Variants in KLF12 observed in about 807,000 individuals in gnomAD.
The protein encoded by KLF12 is KLF transcription factor 12.
In KLF12, 9 loss-of-function variants were observed where a neutral mutation model predicts 37.8. That is an observed-to-expected ratio of 0.24 (90% confidence interval 0.14 to 0.42). KLF12 has a LOEUF of 0.42. Ranked by LOEUF, KLF12 falls within the 10% of genes least tolerant of loss-of-function variation. The pLI is 1.00. For synonymous variants in KLF12, 208 were observed against 202.1 expected (o/e 1.03, Z -0.25); for missense variants, 411 against 516.0 (o/e 0.80, Z 1.97).
rs1451239695 is a variant in KLF12 at position 73,688,313 on chromosome 13, T to A, written c.*7177A>T. 6.6e-6 allele frequency: 1 copy of A among 152,534 alleles called. No individual in the cohort carries two copies. Among genetic ancestry groups the A allele is most frequent in the African/African-American group, 2.4e-5 (1 of 41,460 alleles). The allele number at this position is 152,534 out of a possible 1,614,324, so 9.4% of individuals were successfully genotyped here. On this transcript the variant is annotated 3_prime_UTR_variant, in exon 8 of 8. Coordinates refer to ENST00000377669, the MANE Select transcript of KLF12 (RefSeq NM_007249.5). The stretch of plus-strand genomic sequence containing the variant: ...ATAAACAAATTATTTATAAGACTAT[T>A]TAAAACATTCCACAACAGAGCTGTT...
intron 1 of KLF12, among the ~76,000 whole-genome samples, chr13:73,998,672 C>A (rs76140453): frequency 1.7e-3 from 260 of 152,326 alleles, no homozygotes; most frequent in African/African-American, 6.0e-3. Flanking sequence ...TTGTGCATGT[C>A]AGTCTGTGAT....
At chr13:73,886,922 G>A (rs1887249333) in intron 3 of KLF12, among the ~76,000 whole-genome samples, 2 of 151,526 alleles carry the variant, frequency 1.3e-5, no homozygotes, top group South Asian at 4.2e-4. Context: ...GACCCGGGAG[G>A]CGGAGGTTGC....
chr13:73,918,966 C>G (rs1888984417), intron 3 of KLF12, among the ~76,000 whole-genome samples: 1 of 152,132 alleles, frequency 6.6e-6, no homozygotes, highest in African/African-American at 2.4e-5. Flanking sequence ...CTCTGAAAAC[C>G]AGTCTGATTC....
chr13:73,950,942 C>A (rs1455322483), intron 2 of KLF12, among the ~76,000 whole-genome samples: 1 of 152,140 alleles, frequency 6.6e-6, no homozygotes, highest in African/African-American at 2.4e-5. Context: ...AGAGAGAAAC[C>A]AGAAAGCTGG....
At chr13:74,199,982 T>C in the KLF12 span, among the ~76,000 whole-genome samples, 1 of 152,296 alleles carries the variant, frequency 6.6e-6, no homozygotes, top group East Asian at 1.9e-4. Flanking sequence ...AGCATCCTAC[T>C]TAACTTCTGG....
At chr13:73,866,447 A>G (rs1886183240) in intron 3 of KLF12, among the ~76,000 whole-genome samples, 1 of 152,186 alleles carries the variant, frequency 6.6e-6, no homozygotes, top group African/African-American at 2.4e-5. Flanking sequence ...CAAGCAATAT[A>G]AATTCAAAAG....
intron 1 of KLF12, among the ~76,000 whole-genome samples, chr13:74,100,310 C>G (rs12855892): frequency 0.074 from 11,295 of 152,140 alleles, 483 homozygotes; most frequent in Non-Finnish European, 0.089. Flanking sequence ...GTATGAACTT[C>G]CAGTTTTAAA....
At chr13:73,983,334 C>T (rs867566056) in intron 2 of KLF12, among the ~76,000 whole-genome samples, 1 of 152,196 alleles carries the variant, frequency 6.6e-6, no homozygotes, top group Non-Finnish European at 1.5e-5. Context: ...TTGGTGCCAG[C>T]ATGATTCAAC....
chr13:73,889,581 C>G (rs1032470938), intron 3 of KLF12, among the ~76,000 whole-genome samples: 1 of 152,096 alleles, frequency 6.6e-6, no homozygotes, highest in South Asian at 2.1e-4. Flanking sequence ...TACCTGACTG[C>G]TAAGAAAACT....
At chr13:73,842,286 C>A (rs148983761) in intron 4 of KLF12, among the ~76,000 whole-genome samples, 1 of 152,114 alleles carries the variant, frequency 6.6e-6, no homozygotes, top group Non-Finnish European at 1.5e-5. Flanking sequence ...TCTCTATTTG[C>A]GATTATAATT....
chr13:73,757,083 C>T (rs1879220164), intron 6 of KLF12, among the ~76,000 whole-genome samples: 1 of 152,174 alleles, frequency 6.6e-6, no homozygotes, highest in African/African-American at 2.4e-5. Context: ...AAAGCCCTGA[C>T]TTCACCTACA....
chr13:73,733,116 C>A (rs1264796718), intron 6 of KLF12, among the ~76,000 whole-genome samples: 2 of 152,076 alleles, frequency 1.3e-5, no homozygotes, highest in African/African-American at 4.8e-5. Context: ...TTACTCCTTC[C>A]CCCCAGTCTT....
At chr13:74,255,878 G>A in the KLF12 span, among the ~76,000 whole-genome samples, 10 of 152,202 alleles carry the variant, frequency 6.6e-5, no homozygotes, top group East Asian at 1.9e-4. Context: ...GAATGAGGCC[G>A]GGCACGGTGG....
At chr13:73,834,168 G>GA (rs1408588110) in intron 4 of KLF12, among the ~76,000 whole-genome samples, 1 of 152,074 alleles carries the variant, frequency 6.6e-6, no homozygotes, top group Non-Finnish European at 1.5e-5. Context: ...CTTTATTTTA[G>GA]AAATGAGCAT....
the KLF12 span, among the ~76,000 whole-genome samples, chr13:74,254,420 G>A: frequency 2.0e-5 from 3 of 152,224 alleles, no homozygotes; most frequent in Non-Finnish European, 2.9e-5. Context: ...GTTATGGTCT[G>A]TGATGTGGCA....
rs141359627 is a variant in KLF12, at chr13:74,040,905, T to TCACCCAGA, written c.-31-45860_-31-45853dup. On this transcript the variant is annotated intron_variant, in intron 1 of 7. Coordinates refer to ENST00000377669, the MANE Select transcript of KLF12 (RefSeq NM_007249.5). ...CTTGACATCATCTTTGACCCCTCCTTCACCCAGACCTTTCCCATTCTATTA... is the reference window on the plus strand; with the variant it reads ...CTTGACATCATCTTTGACCCCTCCTTCACCCAGACACCCAGACCTTTCCCATTCTATTA... Among the ~76,000 whole-genome samples the TCACCCAGA allele has an allele frequency of 2.4e-4, 37 of 152,296 alleles. No individual in the cohort carries two copies. The East Asian group carries it at 7.1e-3, about 29-fold the overall frequency.
chr13:73,811,740 G>T (rs1002539430), intron 5 of KLF12, among the ~76,000 whole-genome samples: 1 of 152,034 alleles, frequency 6.6e-6, no homozygotes, highest in Non-Finnish European at 1.5e-5. Context: ...TTTGTATCCA[G>T]ATCTGACTCC....
chr13:73,790,042 T>C (rs968270764), intron 5 of KLF12, among the ~76,000 whole-genome samples: 6 of 152,182 alleles, frequency 3.9e-5, no homozygotes, highest in Non-Finnish European at 5.9e-5. Flanking sequence ...CTTTGTGCAG[T>C]TGTAGGGATG....
At chr13:73,858,267 T>C (rs1259339657) in intron 3 of KLF12, among the ~76,000 whole-genome samples, 1 of 152,190 alleles carries the variant, frequency 6.6e-6, no homozygotes, top group Non-Finnish European at 1.5e-5. Flanking sequence ...GAAGAAAATA[T>C]TCTATACTGT....
Sources: gnomAD v4.1 joint callset for allele counts (sites outside exome capture counted in the v4.1 genomes callset) on GRCh38, gnomAD v4.1.1 for gene constraint, MANE v1.5 for transcripts, NCBI Gene and HGNC (gene_info 2026-07-23, HGNC 2026-07-21) for gene names.